The following ARHGEF26 variants were observed in gnomAD, a reference collection of about 807,000 sequenced individuals.
ARHGEF26 encodes Rho guanine nucleotide exchange factor 26.
ARHGEF26 carries 59 observed loss-of-function variants against 89.4 expected under a neutral mutation model. The observed-to-expected ratio is 0.66, with a 90% confidence interval of 0.54 to 0.82. The LOEUF (loss-of-function observed/expected upper bound fraction) is 0.82, where lower values mean the gene tolerates loss of function less well. ARHGEF26 is among the 40% of genes least tolerant of loss of function. The probability of loss-of-function intolerance (pLI) is 0.00; values close to 1 mark genes in which losing one functional copy is unlikely to be tolerated. For synonymous variants in ARHGEF26, 500 were observed against 428.4 expected, an observed-to-expected ratio of 1.17 and a Z score of -2.06; for missense variants, 1,234 against 1,085.6, an observed-to-expected ratio of 1.14 and a Z score of -1.92.
At chr3:154,126,063 A>G (rs1242309756) in intron 3 of ARHGEF26, among the ~76,000 whole-genome samples, 1 of 152,192 alleles carries the variant, frequency 6.6e-6, no homozygotes, top group Non-Finnish European at 1.5e-5. Flanking sequence ...AAATCTGTCA[A>G]CAATGTTATG....
rs1005554267 is a variant in ARHGEF26, at chr3:154,160,382, A to C, written c.1487+7450A>C. Among the ~76,000 whole-genome samples the C allele has an allele frequency of 3.9e-5, 6 of 152,300 alleles. No individual in the cohort carries two copies. The East Asian group carries it at 5.8e-4, about 15-fold the overall frequency. On this transcript the variant is annotated intron_variant, in intron 6 of 14. Transcript: ENST00000465093. ...CCTTTGGATAAGACCTCAGGAAAGC[A>C]GTGTGGGATCTGAAGTCTTTGTACA...
intron 6 of ARHGEF26, among the ~76,000 whole-genome samples, chr3:154,175,983 G>A (rs1712794495): frequency 6.6e-6 from 1 of 152,212 alleles, no homozygotes; most frequent in Non-Finnish European, 1.5e-5. Context: ...ACAGGTGCCA[G>A]GGCATTTTGG....
chr3:154,138,063 T>C (rs1719126675), intron 4 of ARHGEF26, among the ~76,000 whole-genome samples: 1 of 151,932 alleles, frequency 6.6e-6, no homozygotes, highest in African/African-American at 2.4e-5. Context: ...GCACTATGTG[T>C]CTTATAAGTC....
chr3:154,218,102 G>A, intron 10 of ARHGEF26, 144 bp downstream of exon 10: 1 of 723,026 alleles, frequency 1.4e-6, no homozygotes, highest in Non-Finnish European at 2.2e-6. Flanking sequence ...GATGCTTCAG[G>A]CAATTTTGCT....
chr3:154,242,637 G>A lies in ARHGEF26; in HGVS notation c.2300+2058G>A, dbSNP rs375201126. Among the ~76,000 whole-genome samples, 40 of 152,278 alleles carry A rather than the reference G, an allele frequency of 2.6e-4. No homozygotes were observed. The East Asian group carries it at 5.6e-3, about 21-fold the overall frequency. The stretch of plus-strand genomic sequence containing the variant: ...ATAAAGCAGTGGCAAAGTTTGAGAC[G>A]ATTGACTCCAATTTTGCAAGAAGTT... On this transcript the variant is annotated intron_variant, in intron 12 of 14. Coordinates refer to ENST00000465093, the MANE Select transcript of ARHGEF26 (RefSeq NM_015595.4).
chr3:154,203,488 T>G (rs1037987723), intron 9 of ARHGEF26, among the ~76,000 whole-genome samples: 7 of 152,318 alleles, frequency 4.6e-5, no homozygotes, highest in African/African-American at 1.7e-4. Context: ...CATTCTCTTG[T>G]TTGATTGTAC....
chr3:154,204,624 C>A (rs1576775814), intron 9 of ARHGEF26, among the ~76,000 whole-genome samples: 1 of 152,174 alleles, frequency 6.6e-6, no homozygotes, highest in African/African-American at 2.4e-5. Context: ...GCCACTGTAC[C>A]CAGCCTTTTC....
At chr3:154,155,456 A>AT (rs888507612) in intron 6 of ARHGEF26, among the ~76,000 whole-genome samples, 6 of 151,190 alleles carry the variant, frequency 4.0e-5, no homozygotes, top group East Asian at 1.9e-4. Flanking sequence ...ACGTATTAGC[A>AT]TTTTTTTTTC....
intron 6 of ARHGEF26, among the ~76,000 whole-genome samples, chr3:154,156,282 T>C (rs1559866928): frequency 6.6e-6 from 1 of 152,128 alleles, no homozygotes; most frequent in Non-Finnish European, 1.5e-5. Flanking sequence ...AAAATTTTAC[T>C]TTAATTTCAG....
At chr3:154,188,252 C>T (rs116481798) in intron 7 of ARHGEF26, among the ~76,000 whole-genome samples, 4 of 152,268 alleles carry the variant, frequency 2.6e-5, no homozygotes, top group Non-Finnish European at 5.9e-5. Context: ...TGATCTCCCT[C>T]CATTCAATTG....
At chr3:154,129,836 C>G (rs1718572266) in intron 4 of ARHGEF26, 117 bp downstream of exon 4, 1 of 1,192,490 alleles carries the variant, frequency 8.4e-7, no homozygotes, top group African/African-American at 1.6e-5. Context: ...GAGAAAGACT[C>G]TTTTTAGATT....
chr3:154,153,033 T>G, intron 6 of ARHGEF26, 101 bp downstream of exon 6: 1 of 1,107,130 alleles, frequency 9.0e-7, no homozygotes, highest in Non-Finnish European at 1.2e-6. Flanking sequence ...TCAAGTCTCA[T>G]TCAGTTGGCT....
At chr3:154,199,464 A>C (rs1484061565) in intron 9 of ARHGEF26, among the ~76,000 whole-genome samples, 2 of 151,942 alleles carry the variant, frequency 1.3e-5, no homozygotes, top group African/African-American at 4.8e-5. Context: ...TCTTTCATCT[A>C]CTGATGGACA....
chr3:154,145,040 T>A (rs1383280360), intron 4 of ARHGEF26, among the ~76,000 whole-genome samples: 1 of 152,236 alleles, frequency 6.6e-6, no homozygotes, highest in African/African-American at 2.4e-5. Flanking sequence ...TATGCAGATC[T>A]CTGGCCCTTT....
chr3:154,211,754 AT>A (rs1457335715), intron 9 of ARHGEF26, among the ~76,000 whole-genome samples: 1 of 152,202 alleles, frequency 6.6e-6, no homozygotes, highest in East Asian at 1.9e-4. Flanking sequence ...CAATATATAT[AT>A]TTTAACATGC....
chr3:154,197,260 A>G (rs910460979), intron 9 of ARHGEF26, among the ~76,000 whole-genome samples: 13 of 152,190 alleles, frequency 8.5e-5, no homozygotes, highest in African/African-American at 3.1e-4. Context: ...GGAAACTGAA[A>G]TCGTTGATAT....
intron 6 of ARHGEF26, among the ~76,000 whole-genome samples, chr3:154,162,772 C>T (rs537409077): frequency 1.3e-3 from 199 of 152,102 alleles, no homozygotes; most frequent in African/African-American, 4.7e-3. Flanking sequence ...CCTGAGCTGC[C>T]GAGATAGGCT....
At chr3:154,162,867 T>C (rs1711752227) in intron 6 of ARHGEF26, among the ~76,000 whole-genome samples, 1 of 152,172 alleles carries the variant, frequency 6.6e-6, no homozygotes, top group Admixed American at 6.5e-5. Flanking sequence ...AATATAAATT[T>C]GTATTATATA....
intron 6 of ARHGEF26, among the ~76,000 whole-genome samples, chr3:154,181,814 T>C (rs754691080): frequency 4.6e-5 from 7 of 152,184 alleles, no homozygotes; most frequent in Non-Finnish European, 8.8e-5. Context: ...ATTAAATATA[T>C]GTTGACTTAT....
Sources: gnomAD v4.1 joint callset for allele counts (sites outside exome capture counted in the v4.1 genomes callset) on GRCh38, gnomAD v4.1.1 for gene constraint, MANE v1.5 for transcripts, NCBI Gene and HGNC (gene_info 2026-07-23, HGNC 2026-07-21) for gene names.